Variants in MLLT10 observed in about 807,000 individuals in gnomAD.
The protein encoded by MLLT10 is MLLT10 histone lysine methyltransferase DOT1L cofactor.
MLLT10 carries 30 observed loss-of-function variants against 129.1 expected under a neutral mutation model. The ratio of observed to expected loss-of-function variants is 0.23; its 90% confidence interval spans 0.17 to 0.32. The LOEUF (loss-of-function observed/expected upper bound fraction) is 0.32. MLLT10 is among the 10% of genes least tolerant of loss of function. MLLT10 has a pLI of 1.00. For missense variants in MLLT10, 1,119 were observed against 1,268.3 expected (o/e 0.88, Z 1.79); for synonymous variants, 490 against 446.4 (o/e 1.10, Z -1.23).
At chr10:21,730,732 A>G (rs2057901375) in intron 16 of MLLT10, among the ~76,000 whole-genome samples, 168 bp from the exon 17 acceptor site, 1 of 152,146 alleles carries the variant, frequency 6.6e-6, no homozygotes, top group Non-Finnish European at 1.5e-5. Flanking sequence ...TAATTACTCA[A>G]TTTTAGGGTA....
At chr10:21,640,316 AT>A (rs2047879885) in intron 8 of MLLT10, among the ~76,000 whole-genome samples, 1 of 145,196 alleles carries the variant, frequency 6.9e-6, no homozygotes, top group Non-Finnish European at 1.5e-5. Flanking sequence ...ATGTATACAT[AT>A]ATTGGTGTAT....
At chr10:21,630,686 AC>A (rs2046913784) in intron 8 of MLLT10, among the ~76,000 whole-genome samples, 1 of 152,226 alleles carries the variant, frequency 6.6e-6, no homozygotes, top group Non-Finnish European at 1.5e-5. Context: ...TGCTATTGCC[AC>A]GAGTATTAAA....
intron 13 of MLLT10, among the ~76,000 whole-genome samples, chr10:21,703,036 G>T (rs2055079525): frequency 6.6e-6 from 1 of 151,910 alleles, no homozygotes; most frequent in Non-Finnish European, 1.5e-5. Flanking sequence ...TTTCTGTAGG[G>T]GTGGTTTGAG....
In MLLT10 at chr10:21,733,516, A is replaced by AT. The variant is rs1299016199; in HGVS notation, c.2422dup (p.Ser808PhefsTer6). 6.4e-7 allele frequency: 1 copy of AT among 1,551,166 alleles called. No individual in the cohort carries two copies. Among genetic ancestry groups the AT allele is most frequent in the Non-Finnish European group, 8.7e-7 (1 of 1,154,786 alleles). On this transcript the variant is annotated frameshift_variant, in exon 19 of 23. Coordinates refer to ENST00000307729, the MANE Select transcript of MLLT10 (RefSeq NM_001195626.3). LOFTEE classifies it high-confidence loss of function. ...TTTATTATTCTAGCTCCTACTACTG[A>AT]TTCCTTGAACAGCAGTAAGAGCCCT...
intron 3 of MLLT10, among the ~76,000 whole-genome samples, chr10:21,539,568 T>C (rs1330127233): frequency 6.6e-6 from 1 of 150,492 alleles, no homozygotes; most frequent in Non-Finnish European, 1.5e-5. Flanking sequence ...GGTCAAAAGA[T>C]GGAGACCACC....
chr10:21,601,064 C>T (rs1378456609), intron 5 of MLLT10, among the ~76,000 whole-genome samples: 2 of 152,138 alleles, frequency 1.3e-5, no homozygotes, highest in Non-Finnish European at 2.9e-5. Flanking sequence ...CCATCTCAGT[C>T]TCCTGAGTAG....
chr10:21,580,816 C>T (rs1216273968), intron 3 of MLLT10, among the ~76,000 whole-genome samples: 4 of 151,128 alleles, frequency 2.6e-5, no homozygotes, highest in Non-Finnish European at 4.4e-5. Context: ...ATTCTCCTGC[C>T]CCAGCCTCCC....
chr10:21,640,910 G>A lies in MLLT10; in HGVS notation c.700-10763G>A, dbSNP rs376951396. On this transcript the variant is annotated intron_variant, in intron 8 of 22. Transcript: ENST00000307729. ...AATTCTTCCAAGTTGTGAATCAGGG[G>A]CTTAGGTTTCTTCCATCTTGTGACT... is the stretch of plus-strand genomic sequence containing the variant. Among the ~76,000 whole-genome samples, 4 of 152,300 alleles carry A rather than the reference G, an allele frequency of 2.6e-5. No individual in the cohort carries two copies. The East Asian group carries it at 7.7e-4, about 29-fold the overall frequency.
At chr10:21,637,397 G>A (rs967305737) in intron 8 of MLLT10, among the ~76,000 whole-genome samples, 1 of 152,140 alleles carries the variant, frequency 6.6e-6, no homozygotes, top group Non-Finnish European at 1.5e-5. Flanking sequence ...CCTGTTTTTC[G>A]ATGGTGGGAT....
At chr10:21,568,599 CT>C (rs1416731466) in intron 3 of MLLT10, among the ~76,000 whole-genome samples, 2 of 151,302 alleles carry the variant, frequency 1.3e-5, no homozygotes, top group East Asian at 3.9e-4. Context: ...ATATTTTTGT[CT>C]TTTTTTTTAC....
chr10:21,740,945 G>A (rs1445314443), intron 22 of MLLT10, among the ~76,000 whole-genome samples: 1 of 152,338 alleles, frequency 6.6e-6, no homozygotes, highest in Non-Finnish European at 1.5e-5. Flanking sequence ...TGGGGATGTA[G>A]AATGGAGACT....
At chr10:21,620,784 A>G (rs2045736966) in intron 8 of MLLT10, among the ~76,000 whole-genome samples, 4 of 151,024 alleles carry the variant, frequency 2.6e-5, no homozygotes, top group Non-Finnish European at 4.4e-5. Flanking sequence ...TCCGTCTCCC[A>G]GGTTCAAGCG....
intron 4 of MLLT10, among the ~76,000 whole-genome samples, chr10:21,588,316 C>G (rs988174103): frequency 2.0e-5 from 3 of 152,150 alleles, no homozygotes; most frequent in Admixed American, 6.6e-5. Flanking sequence ...ATCCTACTGC[C>G]TCGGCCTTCC....
intron 11 of MLLT10, among the ~76,000 whole-genome samples, chr10:21,680,413 G>A (rs2052617697): frequency 6.6e-6 from 1 of 151,572 alleles, no homozygotes; most frequent in South Asian, 2.1e-4. Context: ...GCCTTATTGG[G>A]CAGGCTGGTC....
chr10:21,585,740 A>T (rs1261623926), intron 3 of MLLT10, among the ~76,000 whole-genome samples: 2 of 152,110 alleles, frequency 1.3e-5, no homozygotes, highest in South Asian at 2.1e-4. Flanking sequence ...TTAATGTAAG[A>T]TTTAAAAAAT....
At chr10:21,626,219 CCTT>C (rs2046420288) in intron 8 of MLLT10, 4 of 1,595,198 alleles carry the variant, frequency 2.5e-6, no homozygotes, top group Admixed American at 1.7e-5. Context: ...AGACAGAGCT[CCTT>C]CTTTATTAAA....
At position 21,679,533 on chromosome 10, in the gene MLLT10, C is replaced by T. The variant is rs537254366; in HGVS notation, c.1622-1799C>T. On this transcript the variant is annotated intron_variant, in intron 11 of 22. Coordinates refer to ENST00000307729, the MANE Select transcript of MLLT10 (RefSeq NM_001195626.3). ...GCTTTTTTGTGTGTGAAAAATCAGA[C>T]CTTGGTGATGACCTTGAGCAGTAGG... 1.6e-4 allele frequency among the ~76,000 whole-genome samples: 24 copies of T among 152,198 alleles called. No homozygotes were observed. The East Asian group carries it at 4.4e-3, about 28-fold the overall frequency.
chr10:21,708,567 T>C, intron 13 of MLLT10: 1 of 984,424 alleles, frequency 1.0e-6, no homozygotes, highest in Non-Finnish European at 1.2e-6. Flanking sequence ...TTTTTTTGTG[T>C]GTGTGTTTTT....
intron 9 of MLLT10, among the ~76,000 whole-genome samples, chr10:21,656,688 G>T (rs887918707): frequency 6.6e-6 from 1 of 152,082 alleles, no homozygotes; most frequent in African/African-American, 2.4e-5. Context: ...TATTAATGTG[G>T]TATCACTATC....
Sources: allele counts gnomAD v4.1 joint callset (sites outside exome capture counted in the v4.1 genomes callset), GRCh38; gene constraint gnomAD v4.1.1; transcripts MANE v1.5; gene names NCBI Gene and HGNC (gene_info 2026-07-23, HGNC 2026-07-21).